Variants in METTL25 observed in about 807,000 individuals in gnomAD.
METTL25 encodes probable methyltransferase-like protein 25.
A neutral mutation model predicts 71.6 loss-of-function variants in METTL25; 64 were observed. That is an observed-to-expected ratio of 0.89 (90% CI 0.73 to 1.10). The LOEUF (loss-of-function observed/expected upper bound fraction) is 1.10. METTL25 is among the 50% of genes least tolerant of loss of function. The pLI is 0.00. For missense variants in METTL25, 807 were observed against 707.0 expected, an observed-to-expected ratio of 1.14 and a Z score of -1.60; for synonymous variants, 287 against 250.3, an observed-to-expected ratio of 1.15 and a Z score of -1.38.
rs1163599521 is a variant in METTL25 at position 82,358,539 on chromosome 12, C to G, written c.-27C>G. The G allele has an allele frequency of 6.2e-7, 1 of 1,603,216 alleles. No individual in the cohort carries two copies. Among genetic ancestry groups the G allele is most frequent in the African/African-American group, 1.3e-5 (1 of 74,858 alleles). ...TGGCGCCTCACGGCCATGTTTGCGC[C>G]ACCTACAGCCTCGGAGGGTGAGCGT... On this transcript the variant is annotated 5_prime_UTR_variant, in exon 1 of 12. Transcript: ENST00000248306.
chr12:82,399,353 A>T lies in METTL25; in HGVS notation c.1090A>T (p.Thr364Ser), dbSNP rs376484379. The T allele has an allele frequency of 2.5e-6, 4 of 1,600,678 alleles. No individual in the cohort carries two copies. Among genetic ancestry groups the T allele is most frequent in the Non-Finnish European group, 3.4e-6 (4 of 1,175,440 alleles). The change falls in exon 4 of 12, where the codon ACT becomes TCT. Residue 364 changes from threonine to serine, a missense_variant. By Grantham distance (58) the Thr-to-Ser change is moderately conservative (BLOSUM62 1). Transcript: ENST00000248306. ...ATATTCACCTTTAACCTCTTTTATCACTGCTGATTCAGAACTCCATGACAT... is the reference window on the plus strand; with the variant it reads ...ATATTCACCTTTAACCTCTTTTATCTCTGCTGATTCAGAACTCCATGACAT... ...NIYSPLTSFI[T>S]ADSELHDIIK...
intron 8 of METTL25, among the ~76,000 whole-genome samples, chr12:82,450,628 T>C (rs115026773): frequency 6.6e-6 from 1 of 152,298 alleles, no homozygotes; most frequent in African/African-American, 2.4e-5. Flanking sequence ...GTAAAGCTAA[T>C]GTTTTTCCTG....
intron 4 of METTL25, among the ~76,000 whole-genome samples, chr12:82,402,759 G>GGC (rs1886745412): frequency 6.6e-6 from 1 of 151,912 alleles, no homozygotes; most frequent in African/African-American, 2.4e-5. Context: ...TCATGCTGTG[G>GGC]GCGGTACAAT....
intron 5 of METTL25, among the ~76,000 whole-genome samples, chr12:82,405,377 G>A (rs1363031295): frequency 6.6e-6 from 1 of 151,910 alleles, no homozygotes; most frequent in African/African-American, 2.4e-5. Context: ...TTTATCTCTT[G>A]CCTGTTTTTT....
At chr12:82,390,029 T>G in intron 3 of METTL25, 107 bp downstream of exon 3, 1 of 661,902 alleles carries the variant, frequency 1.5e-6, no homozygotes, top group Admixed American at 2.6e-5. Context: ...TGTCATTAAA[T>G]AATAGCATCA....
chr12:82,376,396 T>C (rs886372522), intron 1 of METTL25, among the ~76,000 whole-genome samples: 9 of 152,250 alleles, frequency 5.9e-5, no homozygotes, highest in Non-Finnish European at 1.3e-4. Context: ...CTTCTGCAAG[T>C]CAAGCTGTTC....
At chr12:82,388,155 G>C (rs1328544372) in intron 2 of METTL25, among the ~76,000 whole-genome samples, 1 of 151,974 alleles carries the variant, frequency 6.6e-6, no homozygotes, top group East Asian at 1.9e-4. Flanking sequence ...TACTACTCAA[G>C]TGATTCCTTT....
At chr12:82,464,625 A>G (rs577530354) in intron 9 of METTL25, among the ~76,000 whole-genome samples, 26 of 151,084 alleles carry the variant, frequency 1.7e-4, no homozygotes, top group African/African-American at 6.1e-4. Flanking sequence ...AAATTTTAAG[A>G]TTTTTTTTTC....
intron 5 of METTL25, among the ~76,000 whole-genome samples, chr12:82,413,925 C>T (rs1887752462): frequency 6.6e-6 from 1 of 151,290 alleles, no homozygotes; most frequent in South Asian, 2.1e-4. Context: ...TGTTGTTTCT[C>T]CCAGTTTTAT....
Position 82,360,011 on chromosome 12 carries a change from C to T in METTL25, c.259+1187C>T, listed in dbSNP as rs184057785. Among the ~76,000 whole-genome samples, 20 of 152,228 alleles carry T rather than the reference C, an allele frequency of 1.3e-4. No individual in the cohort carries two copies. The East Asian group carries it at 1.7e-3, about 13-fold the overall frequency. Reference sequence around the variant, plus strand: ...ATGATATGACAATTTTACTTAAACTCCAAAAGAGCAGAGTCTTTGTCTGAC... The same window carrying T: ...ATGATATGACAATTTTACTTAAACTTCAAAAGAGCAGAGTCTTTGTCTGAC... On this transcript the variant is annotated intron_variant, in intron 1 of 11. Transcript: ENST00000248306.
Position 82,479,201 on chromosome 12 carries a change from T to C in METTL25, c.*177T>C, listed in dbSNP as rs1419010467. On this transcript the variant is annotated 3_prime_UTR_variant, in exon 12 of 12. Transcript: ENST00000248306. ...AATCCATTTTTCCATTGTCAAAGCA[T>C]ACATTAATAAAAGAAGAACCTGTCA... The C allele has an allele frequency of 7.9e-6, 4 of 505,800 alleles. No individual in the cohort carries two copies. Among genetic ancestry groups the C allele is most frequent in the Non-Finnish European group, 1.4e-5 (4 of 284,430 alleles). 31.3% of individuals were successfully genotyped at this position (505,800 alleles called of 1,614,324 possible).
In METTL25 at chr12:82,399,095, T is replaced by C. The variant is rs1886347652; in HGVS notation, c.832T>C (p.Leu278=). The change falls in exon 4 of 12, where the codon TTG becomes CTG. Residue 278 remains leucine, a synonymous_variant. Coordinates refer to ENST00000248306, the MANE Select transcript of METTL25 (RefSeq NM_032230.3). ...NQEKMPTSAI[L]PDFSGSVISN... ...AGAAAAGATGCCTACCTCAGCTATT[T>C]TGCCTGATTTTTCTGGCTCTGTAAT... The C allele has an allele frequency of 6.2e-7, 1 of 1,613,582 alleles. No individual in the cohort carries two copies. The highest frequency in any genetic ancestry group is 1.7e-5 in the Admixed American group (1 of 59,990).
intron 8 of METTL25, among the ~76,000 whole-genome samples, chr12:82,454,354 T>C (rs1891341343): frequency 6.6e-6 from 1 of 151,986 alleles, no homozygotes; most frequent in Admixed American, 6.6e-5. Flanking sequence ...CTGGGAATAG[T>C]GTTTGTAGCT....
chr12:82,447,622 C>T lies in METTL25; in HGVS notation c.1478+8831C>T, dbSNP rs184096929. 2.1e-3 allele frequency among the ~76,000 whole-genome samples: 322 copies of T among 152,168 alleles called. 1 individual carries two copies. Among genetic ancestry groups the T allele is most frequent in the African/African-American group, 7.1e-3 (296 of 41,534 alleles). On this transcript the variant is annotated intron_variant, in intron 8 of 11. Coordinates refer to ENST00000248306, the MANE Select transcript of METTL25 (RefSeq NM_032230.3). Reference sequence around the variant, plus strand: ...ACACAAGATTCAATGTCATAGTTTCCTGTGGGAGTTGCGGGGAGCAGTGGA... The same window carrying T: ...ACACAAGATTCAATGTCATAGTTTCTTGTGGGAGTTGCGGGGAGCAGTGGA...
chr12:82,438,742 C>T lies in METTL25; in HGVS notation c.1429C>T (p.Arg477Cys), dbSNP rs763803362. The change falls in exon 8 of 12, where the codon CGT becomes TGT. Residue 477 changes from arginine to cysteine, a missense_variant. Coordinates refer to ENST00000248306, the MANE Select transcript of METTL25 (RefSeq NM_032230.3). ...QGLPTESLFY[R>C]AVLQDIIKDC... ...GCTGCCTACTGAATCACTCTTCTAT[C>T]GTGCTGTTCTTCAGGATATTATTAA... 4.6e-6 allele frequency: 7 copies of T among 1,534,884 alleles called. No homozygotes were observed. Among genetic ancestry groups the T allele is most frequent in the South Asian group, 2.5e-5 (2 of 79,150 alleles).
At chr12:82,468,884 T>C (rs1018013504) in intron 9 of METTL25, 10 of 152,120 alleles carry the variant, frequency 6.6e-5, no homozygotes, top group Admixed American at 6.6e-4. Flanking sequence ...TAACCTCTGC[T>C]TCTCCAATGC....
At position 82,361,145 on chromosome 12, in the gene METTL25, C is replaced by T. The variant is rs140544527; in HGVS notation, c.259+2321C>T. ...CAGAGAGCTGATTGGTCCATTTTGA[C>T]AGGGTGCTGATTGGTGCATTTACAA... On this transcript the variant is annotated intron_variant, in intron 1 of 11. Transcript: ENST00000248306. Among the ~76,000 whole-genome samples the T allele has an allele frequency of 9.5e-3, 1,447 of 152,238 alleles. 20 individuals carry two copies. The highest frequency in any genetic ancestry group is 0.033 in the African/African-American group (1,354 of 41,550).
At chr12:82,393,498 C>CT (rs1565823583) in intron 3 of METTL25, among the ~76,000 whole-genome samples, 1 of 151,882 alleles carries the variant, frequency 6.6e-6, no homozygotes, top group Non-Finnish European at 1.5e-5. Context: ...TACTGAATTT[C>CT]TTTATCAGTT....
rs56872887 is a variant in METTL25, at chr12:82,408,597, C to CGT, written c.1279+5495_1279+5496dup. ...CTTTATCAATGAACAGATGTGACTC[C>CGT]GTGTGTGTGTGTGTGTGTGTGTGTG... On this transcript the variant is annotated intron_variant, in intron 5 of 11. Coordinates refer to ENST00000248306, the MANE Select transcript of METTL25 (RefSeq NM_032230.3). Among the ~76,000 whole-genome samples, 361 of 147,646 alleles carry CGT rather than the reference C, an allele frequency of 2.4e-3. 3 individuals carry two copies. The highest frequency in any genetic ancestry group is 0.012 in the East Asian group (59 of 5,008).
Sources: gnomAD v4.1 joint callset for allele counts (sites outside exome capture counted in the v4.1 genomes callset) on GRCh38, gnomAD v4.1.1 for gene constraint, MANE v1.5 for transcripts, NCBI Gene and HGNC (gene_info 2026-07-23, HGNC 2026-07-21) for gene names.